USP28: variants seen among roughly 807,000 people sequenced by gnomAD.
USP28 encodes the protein ubiquitin specific peptidase 28, also known as ubiquitin carboxyl-terminal hydrolase 28.
Under a neutral mutation model 145.0 loss-of-function variants are expected in USP28, and 113 were observed. The observed-to-expected ratio is 0.78, with a 90% CI of 0.67 to 0.91. The LOEUF (loss-of-function observed/expected upper bound fraction) is 0.91. Ranked by LOEUF, USP28 falls within the 40% of genes least tolerant of loss-of-function variation. The pLI, the probability that USP28 is intolerant of heterozygous loss-of-function variation, is 0.00. For missense variants in USP28, 1,201 were observed against 1,289.6 expected (o/e 0.93, Z 1.05); for synonymous variants, 447 against 450.9 (o/e 0.99, Z 0.11).
intron 12 of USP28, among the ~76,000 whole-genome samples, chr11:113,818,882 CA>C (rs532395394): frequency 1.2e-3 from 158 of 134,324 alleles, no homozygotes; most frequent in South Asian, 2.1e-3. Flanking sequence ...AACAAAACAC[CA>C]AAAAAAAAAA....
rs376040918 is a variant in USP28 at position 113,863,561 on chromosome 11, C to T, written c.58-9226G>A. On this transcript the variant is annotated intron_variant, in intron 1 of 24. Transcript: ENST00000003302. ...TCAGAAGGCTGAAGTGGGAGGATTG[C>T]TTGAGCCCAGAAGATGGAGGTTGCA... Among the ~76,000 whole-genome samples the T allele has an allele frequency of 1.4e-4, 21 of 151,132 alleles. No individual in the cohort carries two copies. In the East Asian group the frequency reaches 3.5e-3, roughly 26 times the overall value.
chr11:113,839,763 G>C (rs912414286), intron 5 of USP28, among the ~76,000 whole-genome samples: 26 of 151,976 alleles, frequency 1.7e-4, no homozygotes, highest in African/African-American at 6.0e-4. Flanking sequence ...GGTGGCTCAC[G>C]CCTCTAATCC....
intron 1 of USP28, among the ~76,000 whole-genome samples, chr11:113,869,391 T>A (rs1399621399): frequency 6.6e-6 from 1 of 152,194 alleles, no homozygotes; most frequent in South Asian, 2.1e-4. Flanking sequence ...CTCACGCCAC[T>A]GTACTCCATC....
chr11:113,836,978 C>G (rs1039373286), intron 5 of USP28, among the ~76,000 whole-genome samples: 1 of 152,100 alleles, frequency 6.6e-6, no homozygotes, highest in African/African-American at 2.4e-5. Flanking sequence ...GTTTTTTTAT[C>G]CCAATAGCTG....
At chr11:113,822,182 C>T (rs114331816) in intron 12 of USP28, among the ~76,000 whole-genome samples, 2,445 of 152,042 alleles carry the variant, frequency 0.016, 64 homozygotes, top group African/African-American at 0.055. Context: ...CCAGGAACAG[C>T]GGCTCACGCC....
chr11:113,853,045 G>A (rs1269453689), intron 2 of USP28, among the ~76,000 whole-genome samples: 1 of 152,178 alleles, frequency 6.6e-6, no homozygotes, highest in African/African-American at 2.4e-5. Context: ...TCACACGCCT[G>A]TAATCCCAGC....
intron 5 of USP28, among the ~76,000 whole-genome samples, chr11:113,836,382 G>A (rs546913555): frequency 1.3e-4 from 20 of 152,120 alleles, no homozygotes; most frequent in Admixed American, 1.2e-3. Context: ...AACTCCCATC[G>A]CCGCTCACTT....
chr11:113,870,888 CAA>C (rs139380676), intron 1 of USP28, among the ~76,000 whole-genome samples: 1,538 of 152,218 alleles, frequency 0.01, 31 homozygotes, highest in African/African-American at 0.036. Flanking sequence ...CAAAAGCAAA[CAA>C]GAGGAGGAAG....
At chr11:113,813,737 G>C (rs1020458446) in intron 15 of USP28, 148 bp downstream of exon 15, 3 of 691,662 alleles carry the variant, frequency 4.3e-6, no homozygotes, top group Non-Finnish European at 7.3e-6. Context: ...CTAAAATAAA[G>C]AAACAGAACA....
At chr11:113,801,399 T>G in intron 24 of USP28, 84 bp downstream of exon 25, 2 of 1,113,208 alleles carry the variant, frequency 1.8e-6, no homozygotes, top group Admixed American at 4.6e-5. Flanking sequence ...CTTAAAAAGG[T>G]TTGGCAACCA....
chr11:113,816,871 C>T (rs748053468), intron 13 of USP28, among the ~76,000 whole-genome samples: 2 of 152,164 alleles, frequency 1.3e-5, no homozygotes, highest in Non-Finnish European at 2.9e-5. Flanking sequence ...TATCCCCAGA[C>T]TCATGTCACT....
chr11:113,834,614 C>T (rs1944362115), intron 5 of USP28, among the ~76,000 whole-genome samples: 1 of 152,082 alleles, frequency 6.6e-6, no homozygotes, highest in South Asian at 2.1e-4. Flanking sequence ...GACAGGGTCT[C>T]CCTATGTTGC....
chr11:113,842,389 T>C (rs1945296417), intron 3 of USP28, among the ~76,000 whole-genome samples: 1 of 151,712 alleles, frequency 6.6e-6, no homozygotes, highest in African/African-American at 2.4e-5. Flanking sequence ...ATCGAGACCA[T>C]CCTGGCTAAC....
intron 2 of USP28, among the ~76,000 whole-genome samples, chr11:113,853,425 G>C (rs980482635): frequency 2.7e-5 from 4 of 150,096 alleles, no homozygotes; most frequent in African/African-American, 7.4e-5. Flanking sequence ...GGGAATAACA[G>C]AACCCCATGT....
intron 5 of USP28, among the ~76,000 whole-genome samples, chr11:113,837,148 T>C (rs1017624625): frequency 2.0e-5 from 3 of 152,222 alleles, no homozygotes; most frequent in East Asian, 1.9e-4. Flanking sequence ...TAATGTATTA[T>C]ACACATTTTA....
intron 19 of USP28, 74 bp from the exon 21 acceptor site, chr11:113,805,120 G>A: frequency 7.4e-7 from 1 of 1,351,252 alleles, no homozygotes; most frequent in Non-Finnish European, 1.0e-6. Flanking sequence ...ATGCCTAGGA[G>A]CTAGGCAGTC....
chr11:113,813,912 C>T, exon 15 of USP28: 1 of 1,612,892 alleles, frequency 6.2e-7, no homozygotes, highest in Non-Finnish European at 8.5e-7. Context: ...CGCAGTACAT[C>T]TGTTCAATAG....
At chr11:113,818,268 C>CA (rs1278868955) in intron 12 of USP28, 1 of 153,646 alleles carries the variant, frequency 6.5e-6, no homozygotes, top group African/African-American at 2.4e-5. Flanking sequence ...TCTCCTGCCT[C>CA]AGCCTCCCCA....
intron 3 of USP28, among the ~76,000 whole-genome samples, chr11:113,845,804 G>C (rs1271259710): frequency 6.6e-6 from 1 of 152,152 alleles, no homozygotes; most frequent in Non-Finnish European, 1.5e-5. Flanking sequence ...TGAATTCCTA[G>C]GCTCAAGCTA....
Sources: allele counts gnomAD v4.1 joint callset (sites outside exome capture counted in the v4.1 genomes callset), GRCh38; gene constraint gnomAD v4.1.1; transcripts MANE v1.5; gene names NCBI Gene and HGNC (gene_info 2026-07-23, HGNC 2026-07-21).